Variants in SLC35F3 observed in about 807,000 individuals in gnomAD.
SLC35F3 encodes solute carrier family 35 member F3.
In SLC35F3, 25 loss-of-function variants were observed where a neutral mutation model predicts 49.9. That is an observed-to-expected ratio of 0.50 (90% CI 0.37 to 0.70). The LOEUF (loss-of-function observed/expected upper bound fraction) is 0.70. Ranked by LOEUF, SLC35F3 falls within the 30% of genes least tolerant of loss-of-function variation. The probability of loss-of-function intolerance (pLI) is 0.00; values close to 1 mark genes in which losing one functional copy is unlikely to be tolerated. For missense variants in SLC35F3, 525 were observed against 639.8 expected (o/e 0.82, Z 1.94); for synonymous variants, 275 against 265.4 (o/e 1.04, Z -0.35).
chr1:234,314,266 C>CT (rs1451507647), intron 4 of SLC35F3, among the ~76,000 whole-genome samples: 1 of 152,104 alleles, frequency 6.6e-6, no homozygotes, highest in African/African-American at 2.4e-5. Flanking sequence ...ATTTCCTACC[C>CT]CCTTGTCCCT....
chr1:234,305,040 T>C (rs1379050260), intron 3 of SLC35F3, among the ~76,000 whole-genome samples: 1 of 152,226 alleles, frequency 6.6e-6, no homozygotes, highest in Non-Finnish European at 1.5e-5. Context: ...AAAGCTTCCT[T>C]AGCTTGAAAA....
chr1:233,941,231 GT>G (rs1310361454), intron 2 of SLC35F3, among the ~76,000 whole-genome samples: 2 of 152,068 alleles, frequency 1.3e-5, no homozygotes, highest in Non-Finnish European at 2.9e-5. Context: ...TGGTATTTCA[GT>G]TACTTTTCAT....
At chr1:234,299,838 ATTG>A (rs899453903) in intron 3 of SLC35F3, among the ~76,000 whole-genome samples, 4 of 151,584 alleles carry the variant, frequency 2.6e-5, no homozygotes, top group African/African-American at 9.7e-5. Context: ...AAGAAAAAAA[ATTG>A]TTAAGATTGT....
intron 2 of SLC35F3, among the ~76,000 whole-genome samples, chr1:234,090,178 G>A (rs543433767): frequency 2.6e-5 from 4 of 152,380 alleles, no homozygotes; most frequent in South Asian, 2.1e-4. Context: ...GCTTCATGTC[G>A]TTCACTCATT....
At chr1:234,053,541 A>G (rs1435988583) in intron 2 of SLC35F3, among the ~76,000 whole-genome samples, 1 of 152,014 alleles carries the variant, frequency 6.6e-6, no homozygotes, top group Non-Finnish European at 1.5e-5. Context: ...GTGTCTCTGC[A>G]TGTGAGATGG....
chr1:234,302,789 G>A (rs929657526), intron 3 of SLC35F3, among the ~76,000 whole-genome samples: 1 of 152,012 alleles, frequency 6.6e-6, no homozygotes, highest in Non-Finnish European at 1.5e-5. Flanking sequence ...TTTTCAAACT[G>A]TACCCCTCAA....
intron 2 of SLC35F3, chr1:234,212,907 G>C (rs184936183): frequency 6.6e-6 from 1 of 152,150 alleles, no homozygotes; most frequent in African/African-American, 2.4e-5. Context: ...TGTAAGAGGC[G>C]TATAATGTGG....
rs374925200 is a variant in SLC35F3, at chr1:233,949,120, G to A, written c.283+43362G>A. Among the ~76,000 whole-genome samples, 22 of 152,164 alleles carry A rather than the reference G, an allele frequency of 1.4e-4. No homozygotes were observed. The East Asian group carries it at 3.5e-3, about 24-fold the overall frequency. On this transcript the variant is annotated intron_variant, in intron 2 of 7. Transcript: ENST00000366618. The stretch of plus-strand genomic sequence containing the variant: ...TAGGATCATGCCCATGGGAGAACAA[G>A]CCCATGGATCACTGGGCTTGTTCTC...
chr1:234,261,753 A>G (rs1411854058), intron 3 of SLC35F3: 1 of 152,200 alleles, frequency 6.6e-6, no homozygotes, highest in Non-Finnish European at 1.5e-5. Flanking sequence ...TGCCTCTGAC[A>G]AAAGCGGTGT....
intron 2 of SLC35F3, among the ~76,000 whole-genome samples, chr1:234,146,089 G>C (rs1200153126): frequency 1.3e-5 from 2 of 151,998 alleles, no homozygotes; most frequent in African/African-American, 4.8e-5. Context: ...ATTTCTAGAG[G>C]TTTAAAATTT....
At chr1:234,306,793 T>G (rs663564) in intron 3 of SLC35F3, among the ~76,000 whole-genome samples, 6,963 of 152,220 alleles carry the variant, frequency 0.046, 500 homozygotes, top group African/African-American at 0.16. Context: ...ATGATCAGGC[T>G]TTGGAGGAGT....
intron 3 of SLC35F3, chr1:234,285,370 C>A: frequency 2.1e-6 from 1 of 476,780 alleles, no homozygotes; most frequent in South Asian, 1.5e-5. Flanking sequence ...GTTGCTTGTT[C>A]AGTATCTCAA....
At chr1:234,056,995 C>T (rs1664465732) in intron 2 of SLC35F3, among the ~76,000 whole-genome samples, 2 of 152,286 alleles carry the variant, frequency 1.3e-5, no homozygotes, top group South Asian at 4.1e-4. Context: ...TGTCTGGATT[C>T]TCAACTCTAT....
chr1:234,311,439 C>T (rs1657351721), intron 4 of SLC35F3, among the ~76,000 whole-genome samples: 1 of 152,210 alleles, frequency 6.6e-6, no homozygotes, highest in Non-Finnish European at 1.5e-5. Context: ...GTTCTCCATC[C>T]TGGAGGGCTG....
At chr1:234,176,194 C>T (rs1272300408) in intron 2 of SLC35F3, among the ~76,000 whole-genome samples, 2 of 152,148 alleles carry the variant, frequency 1.3e-5, no homozygotes, top group Non-Finnish European at 2.9e-5. Context: ...AGCTCTGAAG[C>T]CATTCTCCAC....
intron 2 of SLC35F3, among the ~76,000 whole-genome samples, chr1:234,194,088 C>T (rs948577424): frequency 2.0e-5 from 3 of 151,808 alleles, no homozygotes; most frequent in African/African-American, 7.3e-5. Flanking sequence ...CCATTTGATC[C>T]AAAAGTCCCA....
intron 2 of SLC35F3, among the ~76,000 whole-genome samples, chr1:233,909,823 A>T (rs1051638056): frequency 3.3e-5 from 5 of 152,114 alleles, no homozygotes; most frequent in African/African-American, 1.2e-4. Flanking sequence ...TTTAGTTGAG[A>T]CCCACTCATT....
chr1:234,167,278 A>G (rs1225666256), intron 2 of SLC35F3, among the ~76,000 whole-genome samples: 1 of 152,012 alleles, frequency 6.6e-6, no homozygotes, highest in Non-Finnish European at 1.5e-5. Context: ...TCTTCACCAC[A>G]CTTCTATTGG....
rs188091294 is a variant in SLC35F3 at position 234,235,627 on chromosome 1, C to T, written c.608+3886C>T. On this transcript the variant is annotated intron_variant, in intron 3 of 7. Transcript: ENST00000366618. ...ATTTGCAGCAGTAATGACCTGCTTT[C>T]GAAAGCAAATGCTGAGACCTTCTGC... Among the ~76,000 whole-genome samples the T allele has an allele frequency of 1.1e-3, 169 of 152,334 alleles. 4 individuals are homozygous for T. The South Asian group carries it at 0.033, about 29-fold the overall frequency.
Sources: allele counts gnomAD v4.1 joint callset (sites outside exome capture counted in the v4.1 genomes callset), GRCh38; gene constraint gnomAD v4.1.1; transcripts MANE v1.5; gene names NCBI Gene and HGNC (gene_info 2026-07-23, HGNC 2026-07-21).